Variants in RPS6KC1 observed in about 807,000 individuals in gnomAD.
RPS6KC1 encodes the protein ribosomal protein S6 kinase C1.
RPS6KC1 carries 54 observed loss-of-function variants against 103.8 expected under a neutral mutation model. The observed-to-expected ratio is 0.52, with a 90% CI of 0.42 to 0.65. The LOEUF is 0.65. Ranked by LOEUF, RPS6KC1 falls within the 30% of genes least tolerant of loss-of-function variation. RPS6KC1 has a pLI of 0.00. For synonymous variants in RPS6KC1, 439 were observed against 438.7 expected, an observed-to-expected ratio of 1.00 and a Z score of -0.01; for missense variants, 1,151 against 1,253.8, an observed-to-expected ratio of 0.92 and a Z score of 1.24.
the RPS6KC1 span, among the ~76,000 whole-genome samples, chr1:213,854,792 C>A: frequency 3.9e-5 from 6 of 152,308 alleles, no homozygotes; most frequent in Non-Finnish European, 7.3e-5. Flanking sequence ...TTACAAGCAG[C>A]CTCTGGTTAG....
At chr1:213,456,058 T>C in the RPS6KC1 span, among the ~76,000 whole-genome samples, 2 of 152,162 alleles carry the variant, frequency 1.3e-5, no homozygotes, top group Admixed American at 6.5e-5. Context: ...GAACCCAGCC[T>C]GTGCCATCAG....
intron 8 of RPS6KC1, among the ~76,000 whole-genome samples, chr1:213,189,074 A>G (rs974107261): frequency 6.6e-6 from 1 of 152,192 alleles, no homozygotes; most frequent in East Asian, 1.9e-4. Context: ...GATTTTTGAC[A>G]TAGGTTCAAA....
At chr1:213,604,711 G>A in the RPS6KC1 span, among the ~76,000 whole-genome samples, 1 of 152,168 alleles carries the variant, frequency 6.6e-6, no homozygotes, top group Non-Finnish European at 1.5e-5. Flanking sequence ...GCAGCCCTGG[G>A]GCGACCATCT....
intron 3 of RPS6KC1, among the ~76,000 whole-genome samples, chr1:213,087,670 G>A (rs943990261): frequency 6.6e-6 from 1 of 152,104 alleles, no homozygotes; most frequent in Non-Finnish European, 1.5e-5. Context: ...GAGCCATTCT[G>A]CCTTGGCCAC....
the RPS6KC1 span, among the ~76,000 whole-genome samples, chr1:213,742,487 T>TAA: frequency 1.3e-5 from 2 of 152,250 alleles, no homozygotes; most frequent in Non-Finnish European, 2.9e-5. Context: ...GGGAACATTT[T>TAA]AGCTGAAGAA....
At chr1:213,697,074 G>T in the RPS6KC1 span, among the ~76,000 whole-genome samples, 1 of 152,164 alleles carries the variant, frequency 6.6e-6, no homozygotes, top group African/African-American at 2.4e-5. Context: ...AGAACTCAAG[G>T]AAACATATTT....
the RPS6KC1 span, among the ~76,000 whole-genome samples, chr1:213,516,136 T>C: frequency 2.0e-5 from 3 of 152,110 alleles, no homozygotes; most frequent in Admixed American, 1.3e-4. Context: ...TGGGCTGAGA[T>C]GATGGGGTTT....
chr1:213,558,730 C>G, the RPS6KC1 span, among the ~76,000 whole-genome samples: 1 of 152,224 alleles, frequency 6.6e-6, no homozygotes, highest in Admixed American at 6.5e-5. Context: ...TGTAAACAGA[C>G]TGTAACCTAT....
chr1:213,301,911 T>C, the RPS6KC1 span, among the ~76,000 whole-genome samples: 1 of 151,972 alleles, frequency 6.6e-6, no homozygotes. Flanking sequence ...AATTTTTGTA[T>C]TTTTAGTAGA....
intron 3 of RPS6KC1, 64 bp downstream of exon 3, chr1:213,077,880 T>G: frequency 2.3e-6 from 2 of 869,708 alleles, no homozygotes; most frequent in Non-Finnish European, 3.3e-6. Context: ...TACTGAACTC[T>G]AACATAACTA....
intron 6 of RPS6KC1, among the ~76,000 whole-genome samples, chr1:213,153,659 A>G (rs2089526201): frequency 6.6e-6 from 1 of 152,162 alleles, no homozygotes; most frequent in Non-Finnish European, 1.5e-5. Context: ...TGTACTTACT[A>G]TTACTAGTGA....
At chr1:213,411,585 C>G in the RPS6KC1 span, among the ~76,000 whole-genome samples, 14 of 152,242 alleles carry the variant, frequency 9.2e-5, no homozygotes, top group African/African-American at 3.4e-4. Flanking sequence ...CCTGGGCATC[C>G]AGGCTGATAG....
At chr1:213,603,909 G>T in the RPS6KC1 span, among the ~76,000 whole-genome samples, 2 of 151,912 alleles carry the variant, frequency 1.3e-5, no homozygotes, top group Admixed American at 6.6e-5. Context: ...AATTTTTTCT[G>T]TTTCCCCACT....
At chr1:213,453,925 CA>C in the RPS6KC1 span, among the ~76,000 whole-genome samples, 1 of 152,116 alleles carries the variant, frequency 6.6e-6, no homozygotes, top group South Asian at 2.1e-4. Flanking sequence ...AGATTTGCAA[CA>C]AGTTGAAAAA....
chr1:213,566,105 G>A, the RPS6KC1 span, among the ~76,000 whole-genome samples: 1 of 152,174 alleles, frequency 6.6e-6, no homozygotes, highest in Non-Finnish European at 1.5e-5. Flanking sequence ...TAGATGGATA[G>A]ATATGTGATA....
intron 8 of RPS6KC1, among the ~76,000 whole-genome samples, chr1:213,197,880 C>G (rs950649636): frequency 6.6e-6 from 1 of 152,054 alleles, no homozygotes; most frequent in South Asian, 2.1e-4. Context: ...ACAACAGATA[C>G]TTGGTGGATT....
intron 12 of RPS6KC1, among the ~76,000 whole-genome samples, chr1:213,252,677 G>A (rs1383618848): frequency 6.6e-6 from 1 of 151,980 alleles, no homozygotes; most frequent in Non-Finnish European, 1.5e-5. Context: ...GAATCCTTAA[G>A]GTCAGATATT....
At chr1:213,195,661 T>C (rs961504508) in intron 8 of RPS6KC1, among the ~76,000 whole-genome samples, 24 of 152,282 alleles carry the variant, frequency 1.6e-4, no homozygotes, top group African/African-American at 5.3e-4. Context: ...ATACTTATAC[T>C]GTTGCGTCTT....
the RPS6KC1 span, among the ~76,000 whole-genome samples, chr1:213,718,833 A>G: frequency 6.6e-6 from 1 of 152,182 alleles, no homozygotes; most frequent in Admixed American, 6.5e-5. Flanking sequence ...TTTGGATCCT[A>G]TAGTTCTGGG....
Sources: allele counts gnomAD v4.1 joint callset (sites outside exome capture counted in the v4.1 genomes callset), GRCh38; gene constraint gnomAD v4.1.1; transcripts MANE v1.5; gene names NCBI Gene and HGNC (gene_info 2026-07-23, HGNC 2026-07-21).